HDAC9: variants seen among roughly 807,000 people sequenced by gnomAD.
HDAC9 encodes the protein MEF-2 interacting transcription repressor (MITR) protein.
In HDAC9, 41 loss-of-function variants were observed where a neutral mutation model predicts 139.4. That is an observed-to-expected ratio of 0.29 (90% CI 0.23 to 0.38). The LOEUF (loss-of-function observed/expected upper bound fraction) is 0.38. Among genes scored for constraint, HDAC9 ranks in the 10% least tolerant of loss-of-function variants. HDAC9 has a pLI of 1.00. For synonymous variants in HDAC9, 517 were observed against 476.2 expected, an observed-to-expected ratio of 1.09 and a Z score of -1.12; for missense variants, 1,147 against 1,297.0, an observed-to-expected ratio of 0.88 and a Z score of 1.78.
chr7:18,193,539 A>T (rs1317485014), intron 2 of HDAC9, among the ~76,000 whole-genome samples: 1 of 152,208 alleles, frequency 6.6e-6, no homozygotes, highest in Non-Finnish European at 1.5e-5. Context: ...TATATAACAC[A>T]ATATGCTACT....
chr7:18,482,306 G>A (rs1795617631), intron 1 of HDAC9, among the ~76,000 whole-genome samples: 1 of 140,554 alleles, frequency 7.1e-6, no homozygotes, highest in African/African-American at 2.7e-5. Context: ...CTGCTTGAGA[G>A]GTTGAGACAG....
chr7:18,259,126 T>C (rs1387209703), intron 2 of HDAC9, among the ~76,000 whole-genome samples: 1 of 151,906 alleles, frequency 6.6e-6, no homozygotes, highest in Non-Finnish European at 1.5e-5. Context: ...TGCGCCACCA[T>C]GCCCAGCTAA....
chr7:18,279,377 A>C (rs535800806), intron 2 of HDAC9, among the ~76,000 whole-genome samples: 1 of 152,120 alleles, frequency 6.6e-6, no homozygotes, highest in Admixed American at 6.6e-5. Flanking sequence ...GGAAATTTTC[A>C]TATTTTGATC....
Position 18,905,483 on chromosome 7 carries a change from T to G in HDAC9, c.2804-30326T>G, listed in dbSNP as rs141580906. Among the ~76,000 whole-genome samples, 172 of 152,348 alleles carry G rather than the reference T, an allele frequency of 1.1e-3. 1 individual carries two copies. Among genetic ancestry groups the G allele is most frequent in the African/African-American group, 3.9e-3 (164 of 41,576 alleles). On this transcript the variant is annotated intron_variant, in intron 22 of 25. Coordinates refer to ENST00000686413, the MANE Select transcript of HDAC9 (RefSeq NM_178425.4). The stretch of plus-strand genomic sequence containing the variant: ...GTGAGGATAGTGTGATACTTATAGT[T>G]TCTTGAATGTTGTAGCTCTGTGTGC...
At chr7:18,205,609 G>C (rs1178312) in intron 2 of HDAC9, among the ~76,000 whole-genome samples, 102,875 of 151,988 alleles carry the variant, frequency 0.68, 35,949 homozygotes, top group African/African-American at 0.87. Flanking sequence ...GTTTGATTAT[G>C]ATCTAAATTG....
chr7:18,103,058 G>A (rs995577767), intron 1 of HDAC9, among the ~76,000 whole-genome samples: 9 of 152,168 alleles, frequency 5.9e-5, no homozygotes, highest in African/African-American at 2.2e-4. Context: ...TGCGGGGGAG[G>A]CCTCACAATC....
intron 1 of HDAC9, among the ~76,000 whole-genome samples, chr7:18,469,785 A>AC (rs1794588100): frequency 6.6e-6 from 1 of 152,142 alleles, no homozygotes; most frequent in Non-Finnish European, 1.5e-5. Flanking sequence ...TAGCAGGGGA[A>AC]CTCAGATCTT....
chr7:18,985,110 A>G (rs1785230763), intron 25 of HDAC9, among the ~76,000 whole-genome samples: 1 of 151,984 alleles, frequency 6.6e-6, no homozygotes. Flanking sequence ...TTTAGGGTAC[A>G]TGTGCACAAT....
intron 11 of HDAC9, among the ~76,000 whole-genome samples, chr7:18,664,326 A>C (rs532210298): frequency 2.6e-5 from 4 of 152,208 alleles, no homozygotes; most frequent in South Asian, 2.1e-4. Flanking sequence ...AAATTTCTTC[A>C]TTGTGATATG....
chr7:18,524,018 C>A (rs1805970481), intron 2 of HDAC9, among the ~76,000 whole-genome samples: 1 of 151,790 alleles, frequency 6.6e-6, no homozygotes, highest in Admixed American at 6.6e-5. Context: ...AAGTGTAGAG[C>A]AACACTGAGA....
intron 1 of HDAC9, among the ~76,000 whole-genome samples, chr7:18,107,154 T>A (rs766059527): frequency 4.6e-5 from 7 of 152,194 alleles, no homozygotes; most frequent in Non-Finnish European, 7.3e-5. Flanking sequence ...CTGCCCTGTG[T>A]AGATTAGGAG....
At chr7:18,346,016 A>AT (rs1043010848) in intron 1 of HDAC9, among the ~76,000 whole-genome samples, 4 of 151,982 alleles carry the variant, frequency 2.6e-5, no homozygotes, top group African/African-American at 9.7e-5. Context: ...ATTTTTCTCA[A>AT]TTTTTTCTAG....
intron 2 of HDAC9, among the ~76,000 whole-genome samples, chr7:18,186,689 T>C (rs553090072): frequency 4.6e-5 from 7 of 152,332 alleles, no homozygotes; most frequent in African/African-American, 1.4e-4. Flanking sequence ...TCACTCAACT[T>C]TTCTGAATCT....
At chr7:18,533,718 C>T (rs1809855310) in intron 2 of HDAC9, among the ~76,000 whole-genome samples, 1 of 152,082 alleles carries the variant, frequency 6.6e-6, no homozygotes, top group African/African-American at 2.4e-5. Context: ...TTTAGATACT[C>T]ACTCGAATTA....
At chr7:18,382,322 A>G (rs1173579934) in intron 1 of HDAC9, among the ~76,000 whole-genome samples, 1 of 152,234 alleles carries the variant, frequency 6.6e-6, no homozygotes, top group Admixed American at 6.5e-5. Context: ...AAAATAAGGG[A>G]AAAGTTGCCA....
At chr7:18,860,889 C>T (rs1441819189) in intron 21 of HDAC9, among the ~76,000 whole-genome samples, 3 of 152,112 alleles carry the variant, frequency 2.0e-5, no homozygotes, top group African/African-American at 4.8e-5. Flanking sequence ...AGACCCTTGC[C>T]CGCTCTCCAC....
chr7:18,126,065 C>G (rs935636220), intron 1 of HDAC9, among the ~76,000 whole-genome samples: 15 of 151,940 alleles, frequency 9.9e-5, no homozygotes, highest in Admixed American at 1.3e-4. Context: ...GAAATTCTTT[C>G]CTATTTATAT....
At chr7:18,596,839 A>C (rs1038808614) in intron 6 of HDAC9, among the ~76,000 whole-genome samples, 2 of 152,172 alleles carry the variant, frequency 1.3e-5, no homozygotes, top group African/African-American at 4.8e-5. Flanking sequence ...AGTTTCTTTT[A>C]AATCTACATC....
chr7:18,342,605 G>A (rs1782100423), intron 1 of HDAC9, among the ~76,000 whole-genome samples: 1 of 151,746 alleles, frequency 6.6e-6, no homozygotes. Flanking sequence ...TTACCTCTCT[G>A]CCTCAATTCC....
Sources: gnomAD v4.1 joint callset for allele counts (sites outside exome capture counted in the v4.1 genomes callset) on GRCh38, gnomAD v4.1.1 for gene constraint, MANE v1.5 for transcripts, NCBI Gene and HGNC (gene_info 2026-07-23, HGNC 2026-07-21) for gene names.